Variants in KCNMB2 observed in about 807,000 individuals in gnomAD.
The protein encoded by KCNMB2 is potassium calcium-activated channel subfamily M regulatory beta subunit 2, also known as calcium-activated potassium channel subunit beta-2.
In KCNMB2, 9 loss-of-function variants were observed where a neutral mutation model predicts 24.5. The observed-to-expected ratio is 0.37, with a 90% CI of 0.22 to 0.64. KCNMB2 has a LOEUF of 0.64. KCNMB2 is among the 30% of genes least tolerant of loss of function. KCNMB2 has a pLI of 0.63. For synonymous variants in KCNMB2, 109 were observed against 104.4 expected (o/e 1.04, Z -0.27); for missense variants, 226 against 284.3 (o/e 0.79, Z 1.47).
intron 1 of KCNMB2, among the ~76,000 whole-genome samples, chr3:178,691,072 G>A (rs1168042826): frequency 6.8e-6 from 1 of 146,912 alleles, no homozygotes. Flanking sequence ...CGAGTAGCTG[G>A]GACTACAGGT....
At chr3:178,732,803 T>C (rs1252616581) in intron 1 of KCNMB2, among the ~76,000 whole-genome samples, 2 of 152,236 alleles carry the variant, frequency 1.3e-5, no homozygotes, top group South Asian at 2.1e-4. Flanking sequence ...AACCTAACTC[T>C]GTATTTCCTC....
At chr3:178,611,714 A>G (rs1463371719) in intron 1 of KCNMB2, among the ~76,000 whole-genome samples, 1 of 151,884 alleles carries the variant, frequency 6.6e-6, no homozygotes, top group East Asian at 1.9e-4. Flanking sequence ...CACAAAAAAC[A>G]AACAAACAAA....
rs142789432 is a variant in KCNMB2 at position 178,774,379 on chromosome 3, A to G, written c.-67-32964A>G. On this transcript the variant is annotated intron_variant, in intron 1 of 4. Coordinates refer to ENST00000452583, the MANE Select transcript of KCNMB2 (RefSeq NM_181361.3). Reference sequence around the variant, plus strand: ...GAAACATATCTACAGAGCCCTTTCTATGTCCCAGGTTCCTGTTCCATATAT... The same window carrying G: ...GAAACATATCTACAGAGCCCTTTCTGTGTCCCAGGTTCCTGTTCCATATAT... Among the ~76,000 whole-genome samples the G allele has an allele frequency of 5.0e-3, 766 of 152,334 alleles. 8 individuals carry two copies. The highest frequency in any genetic ancestry group is 0.026 in the Admixed American group (398 of 15,296).
At chr3:178,668,514 A>G (rs966177604) in intron 1 of KCNMB2, among the ~76,000 whole-genome samples, 5 of 152,126 alleles carry the variant, frequency 3.3e-5, no homozygotes, top group Non-Finnish European at 5.9e-5. Flanking sequence ...CCCTAGCAGG[A>G]AGTGAGGTTA....
chr3:178,647,162 T>C (rs1007817444), intron 1 of KCNMB2, among the ~76,000 whole-genome samples: 1 of 152,146 alleles, frequency 6.6e-6, no homozygotes, highest in Non-Finnish European at 1.5e-5. Flanking sequence ...TAAGGATAAA[T>C]ATGCTTCCTA....
intron 1 of KCNMB2, among the ~76,000 whole-genome samples, chr3:178,570,595 T>C (rs1716742416): frequency 6.6e-6 from 1 of 150,780 alleles, no homozygotes. Flanking sequence ...ACAAAGACTT[T>C]TAGTCCTCAG....
chr3:178,765,318 A>G (rs1272124010), intron 1 of KCNMB2, among the ~76,000 whole-genome samples: 1 of 152,232 alleles, frequency 6.6e-6, no homozygotes, highest in Non-Finnish European at 1.5e-5. Context: ...GCCAACTAGT[A>G]TAGACCCGAC....
chr3:178,705,353 G>C (rs1722242871), intron 1 of KCNMB2, among the ~76,000 whole-genome samples: 1 of 152,132 alleles, frequency 6.6e-6, no homozygotes, highest in Non-Finnish European at 1.5e-5. Context: ...TGCTGCCACT[G>C]TGCAGCAGCT....
chr3:178,842,228 T>G (rs1443105597), intron 4 of KCNMB2, among the ~76,000 whole-genome samples: 1 of 152,152 alleles, frequency 6.6e-6, no homozygotes, highest in Admixed American at 6.5e-5. Flanking sequence ...TGTGGACAGA[T>G]GTGGACAGAC....
intron 1 of KCNMB2, among the ~76,000 whole-genome samples, chr3:178,661,511 T>C (rs886712917): frequency 6.6e-6 from 1 of 152,100 alleles, no homozygotes; most frequent in Admixed American, 6.6e-5. Context: ...TTGCGGTCAC[T>C]CTACTCTGCC....
In KCNMB2 at chr3:178,758,636, C is replaced by CTCTCCAAGAGGATATATATATATA. The variant is rs1157576707; in HGVS notation, c.-67-48684_-67-48683insATCTCCAAGAGGATATATATATAT. ...AGAGGATATATATATATATATCTCT[C>CTCTCCAAGAGGATATATATATATA]TCTCCAAGAGGATATATATATATCT... On this transcript the variant is annotated intron_variant, in intron 1 of 4. Transcript: ENST00000452583. Among the ~76,000 whole-genome samples the CTCTCCAAGAGGATATATATATATA allele has an allele frequency of 3.0e-3, 37 of 12,344 alleles. 9 individuals are homozygous for CTCTCCAAGAGGATATATATATATA. Among genetic ancestry groups the CTCTCCAAGAGGATATATATATATA allele is most frequent in the African/African-American group, 0.014 (37 of 2,646 alleles). The allele number at this position is 12,344 out of a possible 152,430, so 8.1% of individuals were successfully genotyped here. A position where few individuals can be genotyped will look rare whatever the true frequency, so the allele number is the denominator to read the frequency against.
chr3:178,734,320 T>G (rs1723248929), intron 1 of KCNMB2, among the ~76,000 whole-genome samples: 1 of 152,238 alleles, frequency 6.6e-6, no homozygotes, highest in African/African-American at 2.4e-5. Context: ...AACTTTTGGA[T>G]TTTGGAGCAT....
intron 1 of KCNMB2, among the ~76,000 whole-genome samples, chr3:178,571,083 C>G (rs1355076312): frequency 6.6e-6 from 1 of 152,174 alleles, no homozygotes; most frequent in Non-Finnish European, 1.5e-5. Flanking sequence ...CACAAATTAA[C>G]TATAAACTTT....
At chr3:178,726,658 C>A (rs946376198) in intron 1 of KCNMB2, among the ~76,000 whole-genome samples, 3 of 151,862 alleles carry the variant, frequency 2.0e-5, no homozygotes, top group Non-Finnish European at 4.4e-5. Flanking sequence ...CCAGAGTCTG[C>A]TCCATTTTTT....
chr3:178,805,891 G>A (rs1015004954), intron 1 of KCNMB2, among the ~76,000 whole-genome samples: 1 of 152,208 alleles, frequency 6.6e-6, no homozygotes, highest in African/African-American at 2.4e-5. Context: ...TCCCTACTAA[G>A]CCTCTCAAAT....
At chr3:178,797,044 A>G (rs1266645200) in intron 1 of KCNMB2, among the ~76,000 whole-genome samples, 2 of 152,134 alleles carry the variant, frequency 1.3e-5, no homozygotes, top group South Asian at 2.1e-4. Flanking sequence ...TCAGATAAAA[A>G]AAAGGAGGCA....
At chr3:178,582,966 C>A (rs1358642326) in intron 1 of KCNMB2, among the ~76,000 whole-genome samples, 1 of 152,086 alleles carries the variant, frequency 6.6e-6, no homozygotes, top group Non-Finnish European at 1.5e-5. Context: ...GAAGGAAAGA[C>A]AATATTATAT....
chr3:178,752,958 C>T (rs1343889946), intron 1 of KCNMB2, among the ~76,000 whole-genome samples: 4 of 152,100 alleles, frequency 2.6e-5, no homozygotes, highest in Admixed American at 2.0e-4. Context: ...CAGAATTAGC[C>T]GAAATACTAT....
In KCNMB2 at chr3:178,836,281, A is replaced by G. The variant is rs559213032; in HGVS notation, c.424-6372A>G. On this transcript the variant is annotated intron_variant, in intron 4 of 4. Coordinates refer to ENST00000452583, the MANE Select transcript of KCNMB2 (RefSeq NM_181361.3). The stretch of plus-strand genomic sequence containing the variant: ...CAAAACTTCTGTCCATCATGACAAT[A>G]AAAATAACTGTTCTGAAAGATTCTG... Among the ~76,000 whole-genome samples the G allele has an allele frequency of 3.9e-5, 6 of 152,290 alleles. No individual in the cohort carries two copies. The East Asian group carries it at 7.7e-4, about 20-fold the overall frequency.
Sources: gnomAD v4.1 joint callset for allele counts (sites outside exome capture counted in the v4.1 genomes callset) on GRCh38, gnomAD v4.1.1 for gene constraint, MANE v1.5 for transcripts, NCBI Gene and HGNC (gene_info 2026-07-23, HGNC 2026-07-21) for gene names.